PARD3B: variants seen among roughly 807,000 people sequenced by gnomAD.
PARD3B encodes the protein partitioning defective 3 homolog B.
PARD3B carries 103 observed loss-of-function variants against 130.2 expected under a neutral mutation model. The observed-to-expected ratio is 0.79, with a 90% CI of 0.67 to 0.93. The LOEUF is 0.93. Ranked by LOEUF, PARD3B falls within the 40% of genes least tolerant of loss-of-function variation. The pLI is 0.00. For missense variants in PARD3B, 1,609 were observed against 1,499.2 expected (o/e 1.07, Z -1.21); for synonymous variants, 583 against 553.2 (o/e 1.05, Z -0.76).
intron 21 of PARD3B, among the ~76,000 whole-genome samples, chr2:205,546,523 G>A (rs1006375222): frequency 3.9e-5 from 6 of 152,158 alleles, no homozygotes; most frequent in Non-Finnish European, 7.4e-5. Flanking sequence ...CTAATAAGGA[G>A]TTCTTCAAGC....
In PARD3B at chr2:204,955,194, G is replaced by A. The variant is rs533519741; in HGVS notation, c.223-9958G>A. Among the ~76,000 whole-genome samples the A allele has an allele frequency of 3.9e-5, 6 of 152,286 alleles. No individual in the cohort carries two copies. In the East Asian group the frequency reaches 9.6e-4, roughly 24 times the overall value. ...ACAGTCAGCCATCGTAGAGAATACT[G>A]TACAGTTGTGTTTGTTTCAAAACTA... On this transcript the variant is annotated intron_variant, in intron 2 of 22. Coordinates refer to ENST00000406610, the MANE Select transcript of PARD3B (RefSeq NM_001302769.2).
At chr2:204,622,395 G>C (rs76558669) in intron 1 of PARD3B, among the ~76,000 whole-genome samples, 3,091 of 152,144 alleles carry the variant, frequency 0.02, 97 homozygotes, top group African/African-American at 0.071. Context: ...TGCTGTTGAG[G>C]ATATATAGCT....
chr2:204,652,388 C>A (rs1381353949), intron 1 of PARD3B, among the ~76,000 whole-genome samples: 1 of 152,166 alleles, frequency 6.6e-6, no homozygotes, highest in Non-Finnish European at 1.5e-5. Context: ...CTCTCAAGTT[C>A]AAAGTTTCTA....
chr2:204,755,870 A>T (rs1382008695), intron 2 of PARD3B, among the ~76,000 whole-genome samples: 1 of 152,120 alleles, frequency 6.6e-6, no homozygotes, highest in Non-Finnish European at 1.5e-5. Context: ...ATGAAAAGGA[A>T]GTGATTGCTG....
Position 204,781,576 on chromosome 2 carries a change from C to T in PARD3B, c.222+95294C>T, listed in dbSNP as rs546994689. Among the ~76,000 whole-genome samples the T allele has an allele frequency of 1.2e-4, 18 of 152,164 alleles. No individual in the cohort carries two copies. The East Asian group carries it at 1.9e-3, about 16-fold the overall frequency. ...TTGGCAATAAGGATTCAGCTGTCAA[C>T]TTATTTGATGTACAAGAATGGCAAT... On this transcript the variant is annotated intron_variant, in intron 2 of 22. Coordinates refer to ENST00000406610, the MANE Select transcript of PARD3B (RefSeq NM_001302769.2).
intron 1 of PARD3B, among the ~76,000 whole-genome samples, chr2:204,685,712 G>A (rs902955773): frequency 2.0e-4 from 31 of 152,142 alleles, no homozygotes; most frequent in African/African-American, 6.0e-4. Context: ...GAAGATGTTG[G>A]TGGCTACCCA....
At chr2:204,902,648 G>C (rs1214796080) in intron 2 of PARD3B, among the ~76,000 whole-genome samples, 1 of 125,430 alleles carries the variant, frequency 8.0e-6, no homozygotes, top group Non-Finnish European at 1.6e-5. Context: ...CAGCCTGGGC[G>C]ACAGAGCAAG....
At chr2:205,060,109 C>T (rs535871495) in intron 4 of PARD3B, among the ~76,000 whole-genome samples, 2 of 152,202 alleles carry the variant, frequency 1.3e-5, no homozygotes, top group South Asian at 4.1e-4. Flanking sequence ...TTCTACCCCT[C>T]AAATCAAATG....
Position 205,128,146 on chromosome 2 carries a change from T to C in PARD3B, c.1434+2409T>C, listed in dbSNP as rs2125638926. On this transcript the variant is annotated intron_variant, in intron 10 of 22. Coordinates refer to ENST00000406610, the MANE Select transcript of PARD3B (RefSeq NM_001302769.2). The surrounding 1 kb of genome is among the most constrained non-coding windows in gnomAD (Gnocchi z 4.5). ...AAATAAGTTTTGACTGTGTATTCCATTGAACTGTGGTCCTGGAAGAAATAA... is the reference window on the plus strand; with the variant it reads ...AAATAAGTTTTGACTGTGTATTCCACTGAACTGTGGTCCTGGAAGAAATAA... Among the ~76,000 whole-genome samples, 1 of 152,338 alleles carries C rather than the reference T, an allele frequency of 6.6e-6. No individual in the cohort carries two copies. Among genetic ancestry groups the C allele is most frequent in the Middle Eastern group, 3.4e-3 (1 of 294 alleles).
At chr2:205,312,708 A>G (rs2105938319) in intron 18 of PARD3B, among the ~76,000 whole-genome samples, 1 of 152,318 alleles carries the variant, frequency 6.6e-6, no homozygotes, top group East Asian at 1.9e-4. Flanking sequence ...AATGTGAGCC[A>G]TGAATATTTT....
intron 2 of PARD3B, among the ~76,000 whole-genome samples, chr2:204,839,157 A>G (rs757369383): frequency 6.6e-6 from 1 of 152,156 alleles, no homozygotes; most frequent in African/African-American, 2.4e-5. Context: ...CTGGGTTTCT[A>G]TTAGCTACAG....
intron 2 of PARD3B, among the ~76,000 whole-genome samples, chr2:204,924,441 C>A (rs796714661): frequency 5.0e-4 from 76 of 151,938 alleles, no homozygotes; most frequent in African/African-American, 1.0e-3. Context: ...CAGATTTTTT[C>A]TTTTTAAATA....
chr2:205,541,840 G>T (rs1411043855), intron 21 of PARD3B, among the ~76,000 whole-genome samples: 3 of 151,386 alleles, frequency 2.0e-5, no homozygotes, highest in African/African-American at 7.3e-5. Flanking sequence ...CCTGCCATAG[G>T]CAAAAAAGCA....
intron 2 of PARD3B, among the ~76,000 whole-genome samples, chr2:204,747,478 A>G (rs1482685431): frequency 6.6e-6 from 1 of 152,214 alleles, no homozygotes; most frequent in Admixed American, 6.5e-5. Flanking sequence ...GATAGGAAGA[A>G]TCAGTATCGT....
chr2:204,585,060 T>C (rs1283655033), intron 1 of PARD3B, among the ~76,000 whole-genome samples: 1 of 152,200 alleles, frequency 6.6e-6, no homozygotes. Flanking sequence ...AGACTGTGTC[T>C]GATGGGAGCC....
intron 10 of PARD3B, among the ~76,000 whole-genome samples, chr2:205,155,255 C>T (rs1020100278): frequency 4.6e-5 from 7 of 152,054 alleles, no homozygotes; most frequent in South Asian, 2.1e-4. Flanking sequence ...GAGGTGTCTG[C>T]GGTGTAGATC....
chr2:204,849,799 C>G (rs1222472940), intron 2 of PARD3B, among the ~76,000 whole-genome samples: 1 of 151,944 alleles, frequency 6.6e-6, no homozygotes, highest in Non-Finnish European at 1.5e-5. Context: ...TTTAAATTAG[C>G]ATTTTTTTTT....
At chr2:204,999,916 G>T (rs1694682016) in intron 3 of PARD3B, among the ~76,000 whole-genome samples, 1 of 152,100 alleles carries the variant, frequency 6.6e-6, no homozygotes, top group Admixed American at 6.5e-5. Flanking sequence ...TTGGAAAAAT[G>T]ATCTATTTAC....
At chr2:205,608,286 C>T (rs980397655) in intron 22 of PARD3B, among the ~76,000 whole-genome samples, 10 of 139,170 alleles carry the variant, frequency 7.2e-5, no homozygotes, top group African/African-American at 3.1e-4. Flanking sequence ...TGGAATTGAA[C>T]CATTGTCTGC....
Sources: allele counts gnomAD v4.1 joint callset (sites outside exome capture counted in the v4.1 genomes callset), GRCh38; gene constraint gnomAD v4.1.1; non-coding constraint Gnocchi (gnomAD v3.1); transcripts MANE v1.5; gene names NCBI Gene and HGNC (gene_info 2026-07-23, HGNC 2026-07-21).